Variants in PROC observed in about 807,000 individuals in gnomAD.
PROC encodes the protein protein C, inactivator of coagulation factors Va and VIIIa.
In PROC, 22 loss-of-function variants were observed where a neutral mutation model predicts 36.3. That is an observed-to-expected ratio of 0.61 (90% confidence interval 0.43 to 0.86). PROC has a LOEUF of 0.86. Among genes scored for constraint, PROC ranks in the 40% least tolerant of loss-of-function variants. PROC has a pLI of 0.00. For missense variants in PROC, 526 were observed against 629.7 expected, an observed-to-expected ratio of 0.84 and a Z score of 1.76; for synonymous variants, 218 against 244.5, an observed-to-expected ratio of 0.89 and a Z score of 1.01.
At position 127,418,924 on chromosome 2, in the gene PROC, G is replaced by T. The variant is rs1407458808; in HGVS notation, c.-22+432G>T. Among the ~76,000 whole-genome samples the T allele has an allele frequency of 6.6e-6, 1 of 152,234 alleles. No individual in the cohort carries two copies. Among genetic ancestry groups the T allele is most frequent in the African/African-American group, 2.4e-5 (1 of 41,456 alleles). Reference sequence around the variant, plus strand: ...GGTTCCTTGATCTCTGGCCACCAGGGCTATCTCTGTGGCCTTTTGGAGCAC... The same window carrying T: ...GGTTCCTTGATCTCTGGCCACCAGGTCTATCTCTGTGGCCTTTTGGAGCAC... On this transcript the variant is annotated intron_variant, in intron 1 of 8. Transcript: ENST00000234071. The surrounding 1 kb of genome is among the most constrained non-coding windows in gnomAD (Gnocchi z 4.8).
intron 3 of PROC, among the ~76,000 whole-genome samples, chr2:127,421,829 G>A (rs541551085): frequency 3.4e-4 from 52 of 152,154 alleles, no homozygotes; most frequent in Non-Finnish European, 5.4e-4. Context: ...GTGTGTGACC[G>A]AAACTCACTT....
rs1335961464 is a variant in PROC, at chr2:127,426,383, C to G, written c.678+156C>G. On this transcript the variant is annotated intron_variant, in intron 7 of 8. Coordinates refer to ENST00000234071, the MANE Select transcript of PROC (RefSeq NM_000312.4). This position sits in a 1 kb window ranked among gnomAD's most constrained non-coding sequence, Gnocchi z 7.0. ...GGGGGATGCTTCAGGGAAAGATGGA[C>G]GCAACCTGAGGGGAGAGGAGCAGCC... 9 of 1,150,918 alleles carry G rather than the reference C, an allele frequency of 7.8e-6. No individual in the cohort carries two copies. The highest frequency in any genetic ancestry group is 9.9e-6 in the Non-Finnish European group (8 of 807,014). 71.3% of individuals were successfully genotyped at this position (1,150,918 alleles called of 1,614,324 possible).
At chr2:127,427,788 A>G (rs1688617544) in intron 8 of PROC, among the ~76,000 whole-genome samples, 1 of 152,234 alleles carries the variant, frequency 6.6e-6, no homozygotes, top group South Asian at 2.1e-4. Context: ...CACATTTCCT[A>G]CAGCATAATC....
rs897196091 is a variant in PROC, at chr2:127,426,109, G to A, written c.560G>A (p.Trp187Ter). The change falls in exon 7 of 9, where the codon TGG (tryptophan) becomes TAG (stop). Residue 187 changes from tryptophan (W) to a stop codon, truncating the protein, a stop_gained. Transcript: ENST00000234071. LOFTEE classifies it high-confidence loss of function. This position sits in a 1 kb window ranked among gnomAD's most constrained non-coding sequence, Gnocchi z 7.0. ...PAVKFPCGRP[W>*]KRMEKKRSHL... is the part of the protein sequence containing the mutation. Reference sequence around the variant, plus strand: ...GTGAAGTTCCCTTGTGGGAGGCCCTGGAAGCGGATGGAGAAGAAGCGCAGT... The same window carrying A: ...GTGAAGTTCCCTTGTGGGAGGCCCTAGAAGCGGATGGAGAAGAAGCGCAGT... 1 of 1,613,992 alleles carries A rather than the reference G, an allele frequency of 6.2e-7. No homozygotes were observed. Among genetic ancestry groups the A allele is most frequent in the Non-Finnish European group, 8.5e-7 (1 of 1,180,028 alleles).
rs1191370912 is a variant in PROC, at chr2:127,427,160, C to T, written c.734C>T (p.Pro245Leu). The stretch of plus-strand genomic sequence containing the variant: ...GCCTGCGGGGCAGTGCTCATCCACC[C>T]CTCCTGGGTGCTGACAGCGGCCCAC... ...KLACGAVLIH[P>L]SWVLTAAHCM... The change falls in exon 8 of 9, where the codon CCC (proline) becomes CTC (leucine). Residue 245 changes from proline to leucine, a missense_variant. Pro to Leu is a moderately conservative substitution (Grantham distance 98, BLOSUM62 -3). Coordinates refer to ENST00000234071, the MANE Select transcript of PROC (RefSeq NM_000312.4). The T allele has an allele frequency of 1.2e-6, 2 of 1,613,788 alleles. No individual in the cohort carries two copies. Among genetic ancestry groups the T allele is most frequent in the Non-Finnish European group, 1.7e-6 (2 of 1,179,992 alleles).
intron 3 of PROC, among the ~76,000 whole-genome samples, chr2:127,421,786 T>C (rs1688109341): frequency 6.6e-6 from 1 of 152,226 alleles, no homozygotes; most frequent in Admixed American, 6.5e-5. Flanking sequence ...AAGACCACCC[T>C]GCTTCCACCC....
At position 127,426,008 on chromosome 2, in the gene PROC, C is replaced by G. The variant is rs1335730985; in HGVS notation, c.536-77C>G. On this transcript the variant is annotated intron_variant, in intron 6 of 8. Transcript: ENST00000234071. This position sits in a 1 kb window ranked among gnomAD's most constrained non-coding sequence, Gnocchi z 7.0. ...GCACTGTGGCAAAGTGGCCCACAGGCTGGAGGAGGACCAAGACAGGAGGGC... is the reference window on the plus strand; with the variant it reads ...GCACTGTGGCAAAGTGGCCCACAGGGTGGAGGAGGACCAAGACAGGAGGGC... The G allele has an allele frequency of 1.3e-6, 2 of 1,591,760 alleles. No homozygotes were observed. Among genetic ancestry groups the G allele is most frequent in the Non-Finnish European group, 1.7e-6 (2 of 1,161,884 alleles).
chr2:127,421,054 T>C (rs1342488274), intron 2 of PROC, among the ~76,000 whole-genome samples: 1 of 152,146 alleles, frequency 6.6e-6, no homozygotes, highest in East Asian at 1.9e-4. Context: ...CAGGGAGGCC[T>C]GTCCATCTCA....
At chr2:127,421,200 C>T in intron 2 of PROC, 83 bp from the exon 3 acceptor site, 1 of 1,440,474 alleles carries the variant, frequency 6.9e-7, no homozygotes, top group South Asian at 1.2e-5. Context: ...GCTCTCCCAG[C>T]TCTGCTTCCT....
intron 6 of PROC, 147 bp downstream of exon 6, chr2:127,423,555 C>T: frequency 9.2e-7 from 1 of 1,081,964 alleles, no homozygotes; most frequent in Non-Finnish European, 1.3e-6. Flanking sequence ...GGCAGACGCG[C>T]CCCAACACCG....
At chr2:127,422,726 G>A (rs1688177215) in intron 3 of PROC, among the ~76,000 whole-genome samples, 191 bp from the exon 4 acceptor site, 1 of 152,046 alleles carries the variant, frequency 6.6e-6, no homozygotes, top group Admixed American at 6.5e-5. Context: ...GGGCGCGGGC[G>A]GGTGGCGCTG....
At chr2:127,419,374 C>G (rs973046453) in intron 1 of PROC, among the ~76,000 whole-genome samples, 3 of 152,154 alleles carry the variant, frequency 2.0e-5, no homozygotes, top group African/African-American at 7.2e-5. Flanking sequence ...TTTATGTGGA[C>G]TAACTCCTTT....
Position 127,426,028 on chromosome 2 carries a change from G to T in PROC, c.536-57G>T. The T allele has an allele frequency of 6.2e-7, 1 of 1,611,174 alleles. No individual in the cohort carries two copies. Among genetic ancestry groups the T allele is most frequent in the Non-Finnish European group, 8.5e-7 (1 of 1,177,982 alleles). On this transcript the variant is annotated intron_variant, in intron 6 of 8. Coordinates refer to ENST00000234071, the MANE Select transcript of PROC (RefSeq NM_000312.4). The surrounding 1 kb of genome is among the most constrained non-coding windows in gnomAD (Gnocchi z 7.0). The stretch of plus-strand genomic sequence containing the variant: ...ACAGGCTGGAGGAGGACCAAGACAG[G>T]AGGGCAGTCTCGGGAGGAGTGCCTG...
chr2:127,420,297 C>A (rs1027358754), intron 2 of PROC, among the ~76,000 whole-genome samples: 13 of 152,194 alleles, frequency 8.5e-5, no homozygotes, highest in Non-Finnish European at 1.6e-4. Context: ...TGGGCCTTCC[C>A]TCTCCACCCA....
At chr2:127,420,724 C>T (rs1340906235) in intron 2 of PROC, among the ~76,000 whole-genome samples, 2 of 152,130 alleles carry the variant, frequency 1.3e-5, no homozygotes, top group African/African-American at 4.8e-5. Context: ...GGGACCCTTC[C>T]TGGGTGATAG....
In PROC at chr2:127,427,137, CTGCGGGGCAG is replaced by C. The variant is rs1369431064; in HGVS notation, c.715_724del (p.Gly239SerfsTer8). 1 of 1,613,938 alleles carries C rather than the reference CTGCGGGGCAG, an allele frequency of 6.2e-7. No homozygotes were observed. The highest frequency in any genetic ancestry group is 2.2e-5 in the East Asian group (1 of 44,890). ...TGCTGGACTCAAAGAAGAAGCTGGC[CTGCGGGGCAG>C]TGCTCATCCACCCCTCCTGGGTGCT... On this transcript the variant is annotated frameshift_variant, in exon 8 of 9. Transcript: ENST00000234071. LOFTEE classifies it high-confidence loss of function.
intron 6 of PROC, among the ~76,000 whole-genome samples, chr2:127,424,938 C>A (rs554004438): frequency 1.6e-3 from 246 of 152,286 alleles, no homozygotes; most frequent in African/African-American, 5.2e-3. Flanking sequence ...CAGGGTGGGG[C>A]AGGGGAGCTG....
Position 127,421,345 on chromosome 2 carries a change from T to C in PROC, c.133T>C (p.Ser45Pro). The change falls in exon 3 of 9, where the codon TCC becomes CCC. Residue 45 changes from serine to proline, a missense_variant. By Grantham distance (74) the Ser-to-Pro change is moderately conservative. Transcript: ENST00000234071. The stretch of plus-strand genomic sequence containing the variant: ...GCTGCGGATCCGCAAACGTGCCAAC[T>C]CCTTCCTGGAGGAGCTCCGTCACAG... ...QVLRIRKRAN[S>P]FLEELRHSSL... is the part of the protein sequence containing the mutation. The C allele has an allele frequency of 1.2e-6, 2 of 1,613,848 alleles. No individual in the cohort carries two copies. The highest frequency in any genetic ancestry group is 1.7e-6 in the Non-Finnish European group (2 of 1,179,932).
Position 127,426,431 on chromosome 2 carries a change from T to C in PROC, c.678+204T>C. On this transcript the variant is annotated intron_variant, in intron 7 of 8. Coordinates refer to ENST00000234071, the MANE Select transcript of PROC (RefSeq NM_000312.4). This position sits in a 1 kb window ranked among gnomAD's most constrained non-coding sequence, Gnocchi z 7.0. ...GCCAGGGTGGGTGAGGGGAGGGGCA[T>C]GGGGGCATGGAGGGGTCTGCAGGAG... 1.6e-6 allele frequency: 1 copy of C among 626,238 alleles called. No homozygotes were observed. Among genetic ancestry groups the C allele is most frequent in the South Asian group, 1.8e-5 (1 of 54,448 alleles). 38.8% of individuals were successfully genotyped at this position (626,238 alleles called of 1,614,324 possible).
Sources: gnomAD v4.1 joint callset for allele counts (sites outside exome capture counted in the v4.1 genomes callset) on GRCh38, gnomAD v4.1.1 for gene constraint, Gnocchi (gnomAD v3.1) non-coding constraint, MANE v1.5 for transcripts, NCBI Gene and HGNC (gene_info 2026-07-23, HGNC 2026-07-21) for gene names.